RAP1A: variants seen among roughly 807,000 people sequenced by gnomAD.
The protein encoded by RAP1A is RAP1A, member of RAS oncogene family, also known as ras-related protein Rap-1A.
In RAP1A, 6 loss-of-function variants were observed where a neutral mutation model predicts 26.4. That is an observed-to-expected ratio of 0.23 (90% CI 0.12 to 0.45). The LOEUF is 0.45. Ranked by LOEUF, RAP1A falls within the 20% of genes least tolerant of loss-of-function variation. The pLI is 0.99. For missense variants in RAP1A, 121 were observed against 217.2 expected (o/e 0.56, Z 2.78); for synonymous variants, 73 against 79.4 (o/e 0.92, Z 0.43).
chr1:111,605,648 C>A (rs1025838252), intron 1 of RAP1A, among the ~76,000 whole-genome samples: 2 of 152,180 alleles, frequency 1.3e-5, no homozygotes, highest in Admixed American at 6.5e-5. Flanking sequence ...CTAAAGTGGT[C>A]ACCCAAAAAG....
chr1:111,665,563 C>T (rs1024599352), intron 1 of RAP1A, among the ~76,000 whole-genome samples: 1 of 152,176 alleles, frequency 6.6e-6, no homozygotes, highest in African/African-American at 2.4e-5. Context: ...AATAGTTATA[C>T]TGAAGAATAT....
intron 1 of RAP1A, among the ~76,000 whole-genome samples, chr1:111,678,494 C>G (rs1049929604): frequency 1.1e-4 from 16 of 152,120 alleles, no homozygotes; most frequent in African/African-American, 3.4e-4. Flanking sequence ...GTGAACACCA[C>G]AGAGTGTACT....
At chr1:111,619,537 T>C (rs868624752), upstream of RAP1A, among the ~76,000 whole-genome samples, 4 of 152,354 alleles carry the variant, frequency 2.6e-5, no homozygotes, top group Middle Eastern at 3.4e-3. Flanking sequence ...TCTTGAATCT[T>C]TGGACCCTTC....
chr1:111,712,885 T>C lies in RAP1A; in HGVS notation c.*484T>C, dbSNP rs1243369611. ...CTTTTTTGAGTCATTGACTTCATTT[T>C]ATATTTAAAAAATTATGGAATATCA... On this transcript the variant is annotated 3_prime_UTR_variant, in exon 8 of 8. Coordinates refer to ENST00000369709, the MANE Select transcript of RAP1A (RefSeq NM_002884.4). 6.6e-6 allele frequency: 1 copy of C among 152,508 alleles called. No individual in the cohort carries two copies. Among genetic ancestry groups the C allele is most frequent in the Non-Finnish European group, 1.5e-5 (1 of 67,962 alleles). The allele number at this position is 152,508 out of a possible 1,614,324, so 9.4% of individuals were successfully genotyped here.
chr1:111,552,197 G>C (rs1657287816), intron 1 of RAP1A, among the ~76,000 whole-genome samples: 1 of 152,166 alleles, frequency 6.6e-6, no homozygotes, highest in South Asian at 2.1e-4. Flanking sequence ...CCATCTCTTA[G>C]GGAGTCACCA....
intron 7 of RAP1A, 60 bp downstream of exon 7, chr1:111,709,324 A>G: frequency 6.2e-6 from 9 of 1,442,182 alleles, no homozygotes; most frequent in Non-Finnish European, 8.2e-6. Context: ...CTTTTTCCAG[A>G]CTTTAGCTAC....
upstream of RAP1A, among the ~76,000 whole-genome samples, chr1:111,617,364 T>G (rs1239508910): frequency 6.6e-6 from 1 of 152,180 alleles, no homozygotes; most frequent in African/African-American, 2.4e-5. Context: ...TTCACTTCTG[T>G]GCTAGATCCA....
Position 111,709,246 on chromosome 1 carries a change from A to C in RAP1A, c.*11A>C. On this transcript the variant is annotated 3_prime_UTR_variant, in exon 7 of 8. Coordinates refer to ENST00000369709, the MANE Select transcript of RAP1A (RefSeq NM_002884.4). Reference sequence around the variant, plus strand: ...TGTCTGCTGCTCTAGGCCCATAGTCAGCAGCAGCTCTGAGCCAGGTAAGAT... The same window carrying C: ...TGTCTGCTGCTCTAGGCCCATAGTCCGCAGCAGCTCTGAGCCAGGTAAGAT... 1.2e-6 allele frequency: 2 copies of C among 1,603,572 alleles called. No individual in the cohort carries two copies. The highest frequency in any genetic ancestry group is 1.7e-6 in the Non-Finnish European group (2 of 1,177,040).
chr1:111,643,133 C>T (rs1659947521), intron 1 of RAP1A, among the ~76,000 whole-genome samples: 2 of 152,254 alleles, frequency 1.3e-5, no homozygotes, highest in African/African-American at 4.8e-5. Flanking sequence ...CATATGGTCC[C>T]TGTTGCAGAT....
chr1:111,617,709 C>T (rs901060650), upstream of RAP1A, among the ~76,000 whole-genome samples: 8 of 149,050 alleles, frequency 5.4e-5, no homozygotes, highest in Non-Finnish European at 8.9e-5. Flanking sequence ...GCTGGGATTA[C>T]AGGTGTGAGC....
At chr1:111,643,445 G>A (rs867966497) in intron 1 of RAP1A, among the ~76,000 whole-genome samples, 18 of 152,194 alleles carry the variant, frequency 1.2e-4, no homozygotes, top group South Asian at 8.3e-4. Flanking sequence ...TAATTTTTTG[G>A]CATCAAGTTT....
intron 1 of RAP1A, among the ~76,000 whole-genome samples, chr1:111,613,435 G>A (rs558999816): frequency 2.6e-5 from 4 of 152,272 alleles, no homozygotes; most frequent in Admixed American, 1.3e-4. Flanking sequence ...TCCTGACCTC[G>A]TGATCCTCCC....
At chr1:111,709,903 T>C (rs578154637) in intron 7 of RAP1A, among the ~76,000 whole-genome samples, 72 of 152,348 alleles carry the variant, frequency 4.7e-4, no homozygotes, top group African/African-American at 1.7e-3. Context: ...TTGGTGTTCA[T>C]TTAAGTTCTT....
At chr1:111,631,058 T>G (rs1413978480) in intron 1 of RAP1A, among the ~76,000 whole-genome samples, 2 of 152,204 alleles carry the variant, frequency 1.3e-5, no homozygotes, top group Non-Finnish European at 2.9e-5. Flanking sequence ...ATTGTGCATT[T>G]ACCCTAAATA....
intron 1 of RAP1A, among the ~76,000 whole-genome samples, chr1:111,686,295 A>G (rs922561121): frequency 1.3e-5 from 2 of 152,150 alleles, no homozygotes; most frequent in Non-Finnish European, 2.9e-5. Context: ...TACTGTTGGA[A>G]AAAAAAGAAT....
chr1:111,689,830 C>G (rs910144894), intron 1 of RAP1A, among the ~76,000 whole-genome samples: 1 of 152,160 alleles, frequency 6.6e-6, no homozygotes, highest in Non-Finnish European at 1.5e-5. Context: ...CCACCCGCCA[C>G]CACGCCCGGC....
rs1252498973 is a variant in RAP1A at position 111,709,391 on chromosome 1, A to G, written c.*29+127A>G. The G allele has an allele frequency of 8.0e-6, 9 of 1,119,158 alleles. 1 individual carries two copies. Among genetic ancestry groups the G allele is most frequent in the Non-Finnish European group, 1.1e-5 (9 of 837,678 alleles). The allele number at this position is 1,119,158 out of a possible 1,614,324, so 69.3% of individuals were successfully genotyped here. On this transcript the variant is annotated intron_variant, in intron 7 of 7. Transcript: ENST00000369709. ...CTTCTGTAACTTGTAAATGTGATAT[A>G]TAACTTGTAGGTACGTCATCTGTTG...
At chr1:111,659,285 T>A (rs1323793647) in intron 1 of RAP1A, among the ~76,000 whole-genome samples, 2 of 152,144 alleles carry the variant, frequency 1.3e-5, no homozygotes, top group Non-Finnish European at 2.9e-5. Flanking sequence ...CTGACAGCAA[T>A]ACCTAATAAT....
intron 1 of RAP1A, among the ~76,000 whole-genome samples, chr1:111,585,074 G>C (rs1258043178): frequency 6.6e-6 from 1 of 152,194 alleles, no homozygotes; most frequent in Non-Finnish European, 1.5e-5. Context: ...AAAGAGATAA[G>C]TCTGTCTCTA....
Sources: allele counts gnomAD v4.1 joint callset (sites outside exome capture counted in the v4.1 genomes callset), GRCh38; gene constraint gnomAD v4.1.1; transcripts MANE v1.5; gene names NCBI Gene and HGNC (gene_info 2026-07-23, HGNC 2026-07-21).